TAOK1: variants seen among roughly 807,000 people sequenced by gnomAD.
TAOK1 encodes the protein serine/threonine-protein kinase TAO1.
A neutral mutation model predicts 138.3 loss-of-function variants in TAOK1; 21 were observed. That is an observed-to-expected ratio of 0.15 (90% CI 0.11 to 0.22). TAOK1 has a LOEUF of 0.22. Ranked by LOEUF, TAOK1 falls within the 10% of genes least tolerant of loss-of-function variation. TAOK1 has a pLI of 1.00. For synonymous variants in TAOK1, 361 were observed against 398.4 expected (o/e 0.91, Z 1.12); for missense variants, 651 against 1,227.7 (o/e 0.53, Z 7.02).
intron 9 of TAOK1, among the ~76,000 whole-genome samples, chr17:29,490,318 G>T (rs2031273124): frequency 6.6e-6 from 1 of 151,992 alleles, no homozygotes; most frequent in Non-Finnish European, 1.5e-5. Flanking sequence ...ATGTAAAGAG[G>T]TTTATGGACA....
intron 1 of TAOK1, among the ~76,000 whole-genome samples, chr17:29,443,104 A>G (rs1258140409): frequency 6.6e-6 from 1 of 152,184 alleles, no homozygotes; most frequent in Non-Finnish European, 1.5e-5. Context: ...GGGACTGCAC[A>G]TTTTACTAAA....
chr17:29,542,461 C>A, intron 19 of TAOK1, 100 bp from the exon 20 acceptor site: 2 of 986,534 alleles, frequency 2.0e-6, no homozygotes, highest in Admixed American at 2.8e-5. Context: ...AAATATACAT[C>A]CATAAAATAA....
At chr17:29,473,778 G>A (rs997771269) in intron 3 of TAOK1, among the ~76,000 whole-genome samples, 1 of 151,382 alleles carries the variant, frequency 6.6e-6, no homozygotes, top group Non-Finnish European at 1.5e-5. Flanking sequence ...CCAGGCTAGA[G>A]TGCAGTGGCA....
At position 29,467,208 on chromosome 17, in the gene TAOK1, T is replaced by C; in HGVS notation, c.196T>C (p.Ser66Pro). The C allele has an allele frequency of 6.3e-7, 1 of 1,597,470 alleles. No individual in the cohort carries two copies. Among genetic ancestry groups the C allele is most frequent in the Non-Finnish European group, 8.6e-7 (1 of 1,168,850 alleles). The change falls in exon 3 of 20, where the codon TCT becomes CCT. Residue 66 changes from serine to proline, a missense_variant. This residue lies in a region of TAOK1 where 116 missense variants were observed against 213.9 expected (regional missense o/e 0.54). Coordinates refer to ENST00000261716, the MANE Select transcript of TAOK1 (RefSeq NM_020791.4). The stretch of plus-strand genomic sequence containing the variant: ...GAAAATGTCTTATAGTGGAAAGCAG[T>C]CTACTGAGGTAGGTTAAATATGTAC... ...IKKMSYSGKQ[S>P]TEKWQDIIKE...
At chr17:29,426,351 A>T (rs534081579) in intron 1 of TAOK1, among the ~76,000 whole-genome samples, 1 of 152,238 alleles carries the variant, frequency 6.6e-6, no homozygotes, top group East Asian at 1.9e-4. Flanking sequence ...AGCTAGTATG[A>T]TAAGTGCAAT....
chr17:29,472,670 G>A (rs2030851381), intron 3 of TAOK1, among the ~76,000 whole-genome samples: 1 of 151,472 alleles, frequency 6.6e-6, no homozygotes, highest in African/African-American at 2.4e-5. Flanking sequence ...GCCCCGCTGG[G>A]TTCAAGTGAT....
intron 13 of TAOK1, among the ~76,000 whole-genome samples, chr17:29,504,110 C>CAA (rs35382020): frequency 4.2e-4 from 53 of 126,880 alleles, no homozygotes; most frequent in Middle Eastern, 4.0e-3. Flanking sequence ...GACCCTATCT[C>CAA]AAAAAAAAAA....
At chr17:29,513,727 AG>A (rs34808347) in intron 15 of TAOK1, 53,856 of 151,926 alleles carry the variant, frequency 0.35, 11,415 homozygotes, top group Non-Finnish European at 0.48. Flanking sequence ...GCAAATCACA[AG>A]GTCAGGAGTT....
At chr17:29,531,367 C>G (rs948401574) in intron 18 of TAOK1, among the ~76,000 whole-genome samples, 1 of 152,086 alleles carries the variant, frequency 6.6e-6, no homozygotes, top group Non-Finnish European at 1.5e-5. Flanking sequence ...CAACCTCCAC[C>G]TCCCGGGTTC....
Position 29,529,861 on chromosome 17 carries a change from CA to C in TAOK1, c.2149-530del, listed in dbSNP as rs35675934. On this transcript the variant is annotated intron_variant, in intron 17 of 19. Coordinates refer to ENST00000261716, the MANE Select transcript of TAOK1 (RefSeq NM_020791.4). ...CAGCCTGGGTGACAGAGCGAGATTC[CA>C]AAAAAAAAAAAAAAATTAGCTGAAC... Among the ~76,000 whole-genome samples, 767 of 125,838 alleles carry C rather than the reference CA, an allele frequency of 6.1e-3. 4 individuals are homozygous for C. The highest frequency in any genetic ancestry group is 0.012 in the African/African-American group (400 of 33,848). 82.6% of individuals were successfully genotyped at this position (125,838 alleles called of 152,430 possible). A position where few individuals can be genotyped will look rare whatever the true frequency, so the allele number is the denominator to read the frequency against.
intron 1 of TAOK1, among the ~76,000 whole-genome samples, chr17:29,447,328 T>C (rs1252705417): frequency 6.6e-6 from 1 of 152,170 alleles, no homozygotes; most frequent in Non-Finnish European, 1.5e-5. Flanking sequence ...TTTCAAACTT[T>C]TTAAAAGTTT....
intron 17 of TAOK1, among the ~76,000 whole-genome samples, chr17:29,529,166 G>A (rs1179869829): frequency 2.0e-5 from 3 of 151,936 alleles, no homozygotes; most frequent in Admixed American, 6.6e-5. Flanking sequence ...TAGAAATGGG[G>A]TCTCACTATG....
At chr17:29,430,710 C>T (rs1905799745) in intron 1 of TAOK1, among the ~76,000 whole-genome samples, 1 of 152,130 alleles carries the variant, frequency 6.6e-6, no homozygotes, top group African/African-American at 2.4e-5. Flanking sequence ...TATTCTCCTG[C>T]CTCATCTTCC....
At chr17:29,456,466 T>C (rs115028425) in intron 2 of TAOK1, among the ~76,000 whole-genome samples, 1,754 of 150,476 alleles carry the variant, frequency 0.012, 200 homozygotes, top group African/African-American at 0.042. Context: ...GATAGGTCTG[T>C]TGAGATTTTC....
intron 3 of TAOK1, among the ~76,000 whole-genome samples, chr17:29,472,609 T>A (rs1258353459): frequency 2.7e-5 from 4 of 146,838 alleles, no homozygotes; most frequent in African/African-American, 1.0e-4. Flanking sequence ...GTTTCGCTCT[T>A]GTTGCCCAGG....
intron 10 of TAOK1, among the ~76,000 whole-genome samples, chr17:29,494,347 C>G (rs750766557): frequency 1.4e-4 from 21 of 151,802 alleles, no homozygotes; most frequent in Non-Finnish European, 3.1e-4. Context: ...CCCCACCCCC[C>G]AAAAAATAAA....
At chr17:29,405,779 A>G (rs1904974119) in intron 1 of TAOK1, among the ~76,000 whole-genome samples, 1 of 152,152 alleles carries the variant, frequency 6.6e-6, no homozygotes, top group Non-Finnish European at 1.5e-5. Context: ...ACTCCATCTC[A>G]GAAAAAAAAA....
At chr17:29,499,531 C>T (rs199870079) in intron 12 of TAOK1, among the ~76,000 whole-genome samples, 5 of 146,154 alleles carry the variant, frequency 3.4e-5, no homozygotes, top group African/African-American at 7.6e-5. Flanking sequence ...TGCGCCAAGA[C>T]GTTTATATCT....
chr17:29,492,540 C>T (rs1379511350), intron 10 of TAOK1, among the ~76,000 whole-genome samples: 1 of 152,218 alleles, frequency 6.6e-6, no homozygotes, highest in Non-Finnish European at 1.5e-5. Context: ...CGCCTGTAAT[C>T]CCAGCACTTT....
Sources: gnomAD v4.1 joint callset for allele counts (sites outside exome capture counted in the v4.1 genomes callset) on GRCh38, gnomAD v4.1.1 for gene constraint, gnomAD v4.1.1 regional missense constraint, MANE v1.5 for transcripts, NCBI Gene and HGNC (gene_info 2026-07-23, HGNC 2026-07-21) for gene names.